AKNAD1: variants seen among roughly 807,000 people sequenced by gnomAD.
The protein encoded by AKNAD1 is protein AKNAD1.
AKNAD1 carries 67 observed loss-of-function variants against 90.8 expected under a neutral mutation model. The ratio of observed to expected loss-of-function variants is 0.74; its 90% CI spans 0.61 to 0.90. The LOEUF (loss-of-function observed/expected upper bound fraction) is 0.90, where lower values mean the gene tolerates loss of function less well. Ranked by LOEUF, AKNAD1 falls within the 40% of genes least tolerant of loss-of-function variation. AKNAD1 has a pLI of 0.00. For missense variants in AKNAD1, 957 were observed against 975.4 expected (o/e 0.98, Z 0.25); for synonymous variants, 327 against 341.4 (o/e 0.96, Z 0.46).
At chr1:108,853,607 A>C (rs375192245) in intron 1 of AKNAD1, among the ~76,000 whole-genome samples, 1 of 151,626 alleles carries the variant, frequency 6.6e-6, no homozygotes, top group Non-Finnish European at 1.5e-5. Context: ...TTTCCCTTGC[A>C]TGTCTGAGAA....
In AKNAD1 at chr1:108,823,567, T is replaced by C. The variant is rs376071319; in HGVS notation, c.2058A>G (p.Lys686=). The change falls in exon 12 of 16, where the codon AAA becomes AAG. Residue 686 remains lysine (K), a splice_region_variant and synonymous_variant. Transcript: ENST00000370001. ...TCTGAGGCCCCAGGTGAGTGTTACC[T>C]TTAGTTGGTTCTTTCCTGCAGGCTC... is the stretch of plus-strand genomic sequence containing the variant. The part of the protein sequence containing the change: ...SRRACRKEPT[K]EFHYRYNTPG... The C allele has an allele frequency of 3.7e-6, 6 of 1,614,096 alleles. No individual in the cohort carries two copies. Among genetic ancestry groups the C allele is most frequent in the Non-Finnish European group, 5.1e-6 (6 of 1,179,980 alleles).
At chr1:108,823,269 G>C in intron 13 of AKNAD1, 101 bp downstream of exon 13, 1 of 968,480 alleles carries the variant, frequency 1.0e-6, no homozygotes, top group Non-Finnish European at 1.7e-6. Flanking sequence ...GGAGAGGCCA[G>C]GGCTTCCCAG....
chr1:108,857,189 C>G (rs1391706837), upstream of AKNAD1: 2 of 152,392 alleles, frequency 1.3e-5, no homozygotes, highest in African/African-American at 4.8e-5. Flanking sequence ...ACACTTTGAG[C>G]AAACAGGGCC....
In AKNAD1 at chr1:108,851,872, C is replaced by A. The variant is rs528152791; in HGVS notation, c.793G>T (p.Ala265Ser). Residue 265 changes from alanine (A) to serine (S), a missense_variant, in exon 2 of 16, where the codon GCT becomes TCT. Transcript: ENST00000370001. Reference sequence around the variant, plus strand: ...TTTTTAGGAATTTTCACTTTGGGAGCAATCTTAGAGAAATCAGGGAGCTGG... The same window carrying A: ...TTTTTAGGAATTTTCACTTTGGGAGAAATCTTAGAGAAATCAGGGAGCTGG... ...HYQLPDFSKI[A>S]PKVKIPKNKI... The A allele has an allele frequency of 6.2e-7, 1 of 1,613,584 alleles. No individual in the cohort carries two copies. The highest frequency in any genetic ancestry group is 1.7e-5 in the Admixed American group (1 of 59,880).
chr1:108,822,015 C>T (rs1663828803), intron 13 of AKNAD1, among the ~76,000 whole-genome samples: 1 of 152,078 alleles, frequency 6.6e-6, no homozygotes, highest in African/African-American at 2.4e-5. Context: ...AGCCAGAAAC[C>T]AAGATTTAGT....
At chr1:108,831,078 C>T (rs905579870) in intron 9 of AKNAD1, among the ~76,000 whole-genome samples, 20 of 152,220 alleles carry the variant, frequency 1.3e-4, no homozygotes, top group African/African-American at 4.8e-4. Context: ...AATCTGACCG[C>T]TGGCTAGTAG....
rs752664324 is a variant in AKNAD1, at chr1:108,849,001, A to T, written c.1093T>A (p.Ser365Thr). ...LSPTSQKGTS[S>T]SSSYIFQKIS... The stretch of plus-strand genomic sequence containing the variant: ...TTTTGAAATATGTAAGAAGAACTTG[A>T]GGAAGTGCCTTTCTGAGAGGTTGGT... Residue 365 changes from serine to threonine, a missense_variant, in exon 4 of 16, where the codon TCA becomes ACA. Physicochemically the swap from Ser to Thr is moderately conservative, Grantham distance 58. Coordinates refer to ENST00000370001, the MANE Select transcript of AKNAD1 (RefSeq NM_152763.5). 6.2e-7 allele frequency: 1 copy of T among 1,611,488 alleles called. No individual in the cohort carries two copies. Among genetic ancestry groups the T allele is most frequent in the Non-Finnish European group, 8.5e-7 (1 of 1,179,382 alleles).
intron 8 of AKNAD1, 151 bp downstream of exon 8, chr1:108,834,778 G>T (rs1664327268): frequency 1.6e-6 from 2 of 1,254,720 alleles, no homozygotes; most frequent in Non-Finnish European, 2.2e-6. Context: ...CTGCTGGTGG[G>T]GCAGGTGAGG....
intron 3 of AKNAD1, 117 bp downstream of exon 3, chr1:108,849,420 A>C: frequency 1.4e-6 from 1 of 702,074 alleles, no homozygotes; most frequent in Non-Finnish European, 2.5e-6. Flanking sequence ...TCAAGGCTGC[A>C]ATGAACCAAG....
Position 108,851,762 on chromosome 1 carries a change from A to G in AKNAD1, c.903T>C (p.Asp301=), listed in dbSNP as rs1259724557. The G allele has an allele frequency of 6.2e-7, 1 of 1,614,012 alleles. No homozygotes were observed. Among genetic ancestry groups the G allele is most frequent in the African/African-American group, 1.3e-5 (1 of 75,044 alleles). Residue 301 remains aspartate, a synonymous_variant, in exon 2 of 16, where the codon GAT becomes GAC. Transcript: ENST00000370001. The stretch of plus-strand genomic sequence containing the variant: ...TTGACTCAGGCGTGGTTTCTAGACT[A>G]TCTTGCACAAGAGTGGGTTTATCTC... ...KSRDKPTLVQ[D]SLETTPESNC... is the part of the protein sequence containing the mutation.
chr1:108,848,781 A>G lies in AKNAD1; in HGVS notation c.1216T>C (p.Ser406Pro), dbSNP rs1664774038. ...QEFSKRIKQD[S>P]PYHLQDKKLV... ...TTCTTGTCTTGCAAATGGTAAGGAG[A>G]GTCCTGTTTTATTCTTTTGGAAAAT... Residue 406 changes from serine to proline, a missense_variant, in exon 5 of 16, where the codon TCT (serine) becomes CCT (proline). Physicochemically the swap from Ser to Pro is moderately conservative, Grantham distance 74. Transcript: ENST00000370001. 1 of 1,609,838 alleles carries G rather than the reference A, an allele frequency of 6.2e-7. No individual in the cohort carries two copies.
rs1410985410 is a variant in AKNAD1, at chr1:108,823,604, G to C, written c.2021C>G (p.Pro674Arg). 1 of 1,614,170 alleles carries C rather than the reference G, an allele frequency of 6.2e-7. No individual in the cohort carries two copies. Among genetic ancestry groups the C allele is most frequent in the African/African-American group, 1.3e-5 (1 of 75,036 alleles). The change falls in exon 12 of 16, where the codon CCT becomes CGT. Residue 674 changes from proline (P) to arginine (R), a missense_variant. Physicochemically the swap from Pro to Arg is moderately radical, Grantham distance 103. Transcript: ENST00000370001. ...TTTCCTGCAGGCTCTTCGGGAGGTA[G>C]GAATCTTAGTGCCACAGTCCTGACA... ...NKCQDCGTKI[P>R]TSRRACRKEP...
chr1:108,853,426 C>T (rs149798069), intron 1 of AKNAD1, among the ~76,000 whole-genome samples: 2,723 of 151,898 alleles, frequency 0.018, 75 homozygotes, highest in African/African-American at 0.062. Flanking sequence ...CCACCGCGCC[C>T]GGCCTGATTT....
upstream of AKNAD1, among the ~76,000 whole-genome samples, chr1:108,857,840 G>A (rs564741924): frequency 6.6e-6 from 1 of 152,300 alleles, no homozygotes; most frequent in South Asian, 2.1e-4. Context: ...GTAAGAGTTG[G>A]CTGTTGGAGG....
chr1:108,833,106 C>T (rs1664259329), intron 9 of AKNAD1, among the ~76,000 whole-genome samples: 2 of 152,152 alleles, frequency 1.3e-5, no homozygotes, highest in Middle Eastern at 6.8e-3. Flanking sequence ...TGTCAGAGTA[C>T]ATTAGTATAA....
At position 108,851,733 on chromosome 1, in the gene AKNAD1, C is replaced by G. The variant is rs1664869298; in HGVS notation, c.932G>C (p.Cys311Ser). 11 of 1,605,326 alleles carry G rather than the reference C, an allele frequency of 6.9e-6. No individual in the cohort carries two copies. Among genetic ancestry groups the G allele is most frequent in the Non-Finnish European group, 9.3e-6 (11 of 1,177,760 alleles). The change falls in exon 2 of 16, where the codon TGT (cysteine) becomes TCT (serine). Residue 311 changes from cysteine (C) to serine (S), a missense_variant. Transcript: ENST00000370001. The stretch of plus-strand genomic sequence containing the variant: ...CTGCTCTTGATGTTGTTTTTCAACA[C>G]AGTTTGACTCAGGCGTGGTTTCTAG... ...DSLETTPESN[C>S]VEKQHQEQKG...
chr1:108,826,784 G>C (rs1332539235), intron 11 of AKNAD1, among the ~76,000 whole-genome samples: 1 of 144,236 alleles, frequency 6.9e-6, no homozygotes, highest in Non-Finnish European at 1.5e-5. Context: ...CTGTCGCCCA[G>C]GCTGGAGTAC....
At chr1:108,829,665 G>T (rs1664121646) in intron 10 of AKNAD1, among the ~76,000 whole-genome samples, 1 of 152,076 alleles carries the variant, frequency 6.6e-6, no homozygotes, top group Non-Finnish European at 1.5e-5. Flanking sequence ...GAACTCTTAA[G>T]GCAGGTGCCC....
chr1:108,817,233 C>T lies in AKNAD1; in HGVS notation c.2250-56G>A. 3.1e-6 allele frequency: 5 copies of T among 1,603,386 alleles called. No homozygotes were observed. The East Asian group carries it at 9.0e-5, about 29-fold the overall frequency. On this transcript the variant is annotated intron_variant, in intron 14 of 15. Coordinates refer to ENST00000370001, the MANE Select transcript of AKNAD1 (RefSeq NM_152763.5). ...TCAAGCGCCACCCTCAAGCACACTC[C>T]TGTTCACGTCAGCTCTGTGGTAGGT...
Sources: gnomAD v4.1 joint callset for allele counts (sites outside exome capture counted in the v4.1 genomes callset) on GRCh38, gnomAD v4.1.1 for gene constraint, MANE v1.5 for transcripts, NCBI Gene and HGNC (gene_info 2026-07-23, HGNC 2026-07-21) for gene names.